Variants in SLIT3 observed in about 807,000 individuals in gnomAD.
SLIT3 encodes slit homolog 3 protein.
A neutral mutation model predicts 184.0 loss-of-function variants in SLIT3; 68 were observed. That is an observed-to-expected ratio of 0.37 (90% CI 0.30 to 0.45). The LOEUF (loss-of-function observed/expected upper bound fraction) is 0.45. SLIT3 is among the 20% of genes least tolerant of loss of function. The probability of loss-of-function intolerance (pLI) is 1.00; values close to 1 mark genes in which losing one functional copy is unlikely to be tolerated. For missense variants in SLIT3, 1,707 were observed against 2,026.0 expected, an observed-to-expected ratio of 0.84 and a Z score of 3.02; for synonymous variants, 831 against 828.6, an observed-to-expected ratio of 1.00 and a Z score of -0.05.
intron 12 of SLIT3, among the ~76,000 whole-genome samples, chr5:168,784,261 G>A (rs1019926422): frequency 6.6e-5 from 10 of 152,124 alleles, no homozygotes; most frequent in African/African-American, 2.2e-4. Flanking sequence ...CAGTTTCTTT[G>A]CTACAAGCAA....
chr5:169,050,982 T>C (rs1757795673), intron 4 of SLIT3, among the ~76,000 whole-genome samples: 1 of 152,218 alleles, frequency 6.6e-6, no homozygotes, highest in South Asian at 2.1e-4. Flanking sequence ...ACTTCTCTCT[T>C]ACTGGCTTTT....
At chr5:169,034,486 A>C (rs546745888) in intron 4 of SLIT3, among the ~76,000 whole-genome samples, 1 of 152,200 alleles carries the variant, frequency 6.6e-6, no homozygotes, top group African/African-American at 2.4e-5. Flanking sequence ...CAGTTTTCTC[A>C]GCACCATTTA....
intron 4 of SLIT3, among the ~76,000 whole-genome samples, chr5:169,041,707 A>G (rs549411663): frequency 6.6e-6 from 1 of 152,302 alleles, no homozygotes; most frequent in South Asian, 2.1e-4. Context: ...CTACAAATAT[A>G]TATTATAGGA....
chr5:169,291,621 T>C (rs1188205302), intron 1 of SLIT3, among the ~76,000 whole-genome samples: 1 of 152,250 alleles, frequency 6.6e-6, no homozygotes, highest in East Asian at 1.9e-4. Context: ...TTTCACCAGG[T>C]GTCCAGATCA....
At chr5:169,194,365 C>T (rs60852087) in intron 3 of SLIT3, among the ~76,000 whole-genome samples, 2 of 151,600 alleles carry the variant, frequency 1.3e-5, no homozygotes, top group Non-Finnish European at 2.9e-5. Flanking sequence ...AAGAAGAGGG[C>T]ATGGCAGATC....
chr5:169,063,184 G>A (rs1326378595), intron 4 of SLIT3, among the ~76,000 whole-genome samples: 1 of 152,172 alleles, frequency 6.6e-6, no homozygotes, highest in African/African-American at 2.4e-5. Flanking sequence ...CCTGCACAGA[G>A]GACCATGACT....
chr5:169,161,724 C>T (rs1180546427), intron 4 of SLIT3, among the ~76,000 whole-genome samples: 2 of 150,710 alleles, frequency 1.3e-5, no homozygotes, highest in East Asian at 2.0e-4. Flanking sequence ...TTTTGTAGGG[C>T]CCATTCTTAG....
chr5:169,268,202 C>CTGT (rs1376909997), intron 1 of SLIT3, among the ~76,000 whole-genome samples: 1 of 151,358 alleles, frequency 6.6e-6, no homozygotes, highest in African/African-American at 2.5e-5. Context: ...ACGTTAAGGT[C>CTGT]TGTTGCGAAG....
At chr5:168,830,376 TG>T (rs1300493174) in intron 6 of SLIT3, among the ~76,000 whole-genome samples, 1 of 152,176 alleles carries the variant, frequency 6.6e-6, no homozygotes, top group Non-Finnish European at 1.5e-5. Flanking sequence ...ACTGCTCTAA[TG>T]TGCCTGGGGG....
chr5:168,723,306 G>A (rs565551531), intron 21 of SLIT3, among the ~76,000 whole-genome samples: 1 of 148,130 alleles, frequency 6.8e-6, no homozygotes, highest in African/African-American at 2.5e-5. Context: ...CTGCCTGCCT[G>A]CCCATCCATC....
At chr5:168,989,351 C>A (rs536700856) in intron 4 of SLIT3, among the ~76,000 whole-genome samples, 1 of 152,338 alleles carries the variant, frequency 6.6e-6, no homozygotes, top group Admixed American at 6.5e-5. Flanking sequence ...CCAAGTGATT[C>A]TTCTACAAAA....
intron 4 of SLIT3, among the ~76,000 whole-genome samples, chr5:168,934,006 C>T (rs1024891853): frequency 6.6e-6 from 1 of 152,184 alleles, no homozygotes; most frequent in East Asian, 1.9e-4. Context: ...CCCTTTCTGA[C>T]TGAGAGCCTG....
chr5:169,217,695 A>G (rs558104017), intron 3 of SLIT3, among the ~76,000 whole-genome samples: 1 of 152,336 alleles, frequency 6.6e-6, no homozygotes, highest in African/African-American at 2.4e-5. Flanking sequence ...TAATTGCTGA[A>G]TCAATGAGCA....
Position 168,817,436 on chromosome 5 carries a change from G to A in SLIT3, c.657C>T (p.Cys219=), listed in dbSNP as rs200407914. The change falls in exon 8 of 36, where the codon TGC becomes TGT. Residue 219 remains cysteine, a synonymous_variant. Coordinates refer to ENST00000519560, the MANE Select transcript of SLIT3 (RefSeq NM_003062.4). ...TLRLHSNHLY[C]DCHLAWLSDW... ...CCGAGAGCCAGGCCAGGTGGCAGTC[G>A]CAGTACAGGTGGTTGGAGTGGAGGC... The A allele has an allele frequency of 8.2e-5, 133 of 1,614,194 alleles. No individual in the cohort carries two copies. Among genetic ancestry groups the A allele is most frequent in the Non-Finnish European group, 1.1e-4 (128 of 1,180,028 alleles).
chr5:168,779,049 G>A (rs1187992393), intron 12 of SLIT3, among the ~76,000 whole-genome samples: 1 of 152,184 alleles, frequency 6.6e-6, no homozygotes, highest in African/African-American at 2.4e-5. Flanking sequence ...TGAACAGCAG[G>A]GGCCACATGG....
chr5:168,783,952 A>G (rs1756063715), intron 12 of SLIT3, among the ~76,000 whole-genome samples: 1 of 152,214 alleles, frequency 6.6e-6, no homozygotes, highest in Admixed American at 6.5e-5. Flanking sequence ...CGACCCATGC[A>G]AAGTCCTGTT....
chr5:169,287,766 C>T (rs570589591), intron 1 of SLIT3, among the ~76,000 whole-genome samples: 5 of 152,240 alleles, frequency 3.3e-5, no homozygotes, highest in Admixed American at 6.5e-5. Context: ...GTGGTGGACG[C>T]GTTTCTCAGG....
chr5:168,966,873 G>C (rs981986841), intron 4 of SLIT3, among the ~76,000 whole-genome samples: 1 of 152,112 alleles, frequency 6.6e-6, no homozygotes, highest in Non-Finnish European at 1.5e-5. Flanking sequence ...AATATAAACC[G>C]GTAATGTCTT....
At chr5:169,073,904 A>C (rs1322675300) in intron 4 of SLIT3, among the ~76,000 whole-genome samples, 1 of 152,174 alleles carries the variant, frequency 6.6e-6, no homozygotes, top group Non-Finnish European at 1.5e-5. Context: ...CCTTTAGTGC[A>C]ATGCAGCTGG....
Sources: allele counts gnomAD v4.1 joint callset (sites outside exome capture counted in the v4.1 genomes callset), GRCh38; gene constraint gnomAD v4.1.1; transcripts MANE v1.5; gene names NCBI Gene and HGNC (gene_info 2026-07-23, HGNC 2026-07-21).